Variants in ERBB4 observed in about 807,000 individuals in gnomAD.
ERBB4 encodes the protein erb-b2 receptor tyrosine kinase 4.
In ERBB4, 42 loss-of-function variants were observed where a neutral mutation model predicts 158.0. That is an observed-to-expected ratio of 0.27 (90% CI 0.21 to 0.34). The LOEUF is 0.34. ERBB4 is among the 10% of genes least tolerant of loss of function. ERBB4 has a pLI of 1.00. For missense variants in ERBB4, 1,333 were observed against 1,624.1 expected, an observed-to-expected ratio of 0.82 and a Z score of 3.08; for synonymous variants, 583 against 558.7, an observed-to-expected ratio of 1.04 and a Z score of -0.61.
intron 16 of ERBB4, among the ~76,000 whole-genome samples, chr2:211,631,283 G>T (rs939373229): frequency 1.3e-5 from 2 of 151,942 alleles, no homozygotes; most frequent in Admixed American, 1.3e-4. Flanking sequence ...GGAGTATAAG[G>T]GTACCAATAA....
intron 2 of ERBB4, among the ~76,000 whole-genome samples, chr2:212,088,123 G>A (rs562910373): frequency 6.6e-6 from 1 of 152,086 alleles, no homozygotes; most frequent in South Asian, 2.1e-4. Flanking sequence ...AAATCTGCTG[G>A]GAAAAGGCTA....
chr2:212,213,140 T>C (rs947113273), intron 1 of ERBB4, among the ~76,000 whole-genome samples: 1 of 151,778 alleles, frequency 6.6e-6, no homozygotes, highest in Admixed American at 6.6e-5. Flanking sequence ...AACCTACGAA[T>C]AGGAGAAAAT....
At chr2:211,803,722 A>G (rs1267544194) in intron 3 of ERBB4, among the ~76,000 whole-genome samples, 1 of 152,226 alleles carries the variant, frequency 6.6e-6, no homozygotes, top group Non-Finnish European at 1.5e-5. Flanking sequence ...TTGAGACAGC[A>G]GTTTACCACA....
At chr2:212,036,080 A>G (rs1428251819) in intron 2 of ERBB4, among the ~76,000 whole-genome samples, 4 of 152,186 alleles carry the variant, frequency 2.6e-5, no homozygotes, top group African/African-American at 7.2e-5. Context: ...AATAATTAAT[A>G]TGCTAAATCT....
In ERBB4 at chr2:212,538,542, C is replaced by A. The variant is rs1196830458; in HGVS notation, c.-12G>T. The stretch of plus-strand genomic sequence containing the variant: ...GTCGCCGGCTTCATTTTTTGGAAGT[C>A]TCAGATCCCGTGCTGACAATTACAT... On this transcript the variant is annotated 5_prime_UTR_variant, in exon 1 of 28. Coordinates refer to ENST00000342788, the MANE Select transcript of ERBB4 (RefSeq NM_005235.3). The A allele has an allele frequency of 6.2e-7, 1 of 1,612,914 alleles. No homozygotes were observed. Among genetic ancestry groups the A allele is most frequent in the African/African-American group, 1.3e-5 (1 of 74,924 alleles).
At chr2:211,435,880 T>TATC (rs982538272) in intron 20 of ERBB4, among the ~76,000 whole-genome samples, 54 of 152,312 alleles carry the variant, frequency 3.5e-4, no homozygotes, top group African/African-American at 1.3e-3. Flanking sequence ...TTTTTAAGCC[T>TATC]ATCTTCTCTC....
chr2:211,624,458 T>C (rs2069759487), intron 17 of ERBB4, among the ~76,000 whole-genome samples: 1 of 152,164 alleles, frequency 6.6e-6, no homozygotes, highest in African/African-American at 2.4e-5. Context: ...GTTAAAACTT[T>C]AGTGTATATC....
intron 1 of ERBB4, among the ~76,000 whole-genome samples, chr2:212,236,518 T>C (rs2083881354): frequency 6.6e-6 from 1 of 152,200 alleles, no homozygotes; most frequent in Admixed American, 6.5e-5. Context: ...TTTCGATTGT[T>C]TGGAATAATT....
At chr2:211,440,707 T>A (rs2125452197) in intron 20 of ERBB4, among the ~76,000 whole-genome samples, 1 of 152,330 alleles carries the variant, frequency 6.6e-6, no homozygotes, top group Non-Finnish European at 1.5e-5. Flanking sequence ...ACCTAAATAA[T>A]TTCAATAACT....
At chr2:212,111,866 G>C (rs2079419702) in intron 2 of ERBB4, among the ~76,000 whole-genome samples, 1 of 138,088 alleles carries the variant, frequency 7.2e-6, no homozygotes, top group South Asian at 2.4e-4. Flanking sequence ...ACCTTTTTTG[G>C]CACTATACAA....
chr2:212,285,017 AT>A (rs1337652886), intron 1 of ERBB4, among the ~76,000 whole-genome samples: 2 of 152,110 alleles, frequency 1.3e-5, no homozygotes, highest in African/African-American at 4.8e-5. Context: ...TATAACCTTA[AT>A]GTAATTTGAT....
At chr2:212,399,536 T>TTATTTATATATA (rs2091129986) in intron 1 of ERBB4, among the ~76,000 whole-genome samples, 3 of 20,794 alleles carry the variant, frequency 1.4e-4, no homozygotes, top group African/African-American at 5.8e-4. Flanking sequence ...GATATATATT[T>TTATTTATATATA]TATATATACA....
intron 20 of ERBB4, among the ~76,000 whole-genome samples, chr2:211,469,808 A>C (rs571235349): frequency 1.3e-5 from 2 of 152,272 alleles, no homozygotes; most frequent in South Asian, 4.1e-4. Flanking sequence ...TTGCATATCT[A>C]TTCCTTTCTT....
At chr2:212,173,944 G>T (rs1031107673) in intron 1 of ERBB4, among the ~76,000 whole-genome samples, 1 of 152,118 alleles carries the variant, frequency 6.6e-6, no homozygotes, top group Non-Finnish European at 1.5e-5. Context: ...GGAAACTTCC[G>T]AAGTAGTTCA....
Position 211,797,106 on chromosome 2 carries a change from A to G in ERBB4, c.422-8947T>C, listed in dbSNP as rs141830851. On this transcript the variant is annotated intron_variant, in intron 3 of 27. Transcript: ENST00000342788. ...TGTCTTCTTGCTATTAAAATAGAAC[A>G]CTCTTTTACATAAAGCTCACATATT... Among the ~76,000 whole-genome samples, 515 of 151,822 alleles carry G rather than the reference A, an allele frequency of 3.4e-3. 5 individuals carry two copies. Among genetic ancestry groups the G allele is most frequent in the African/African-American group, 0.012 (492 of 41,476 alleles).
chr2:211,802,683 G>A (rs906957348), intron 3 of ERBB4, among the ~76,000 whole-genome samples: 3 of 152,200 alleles, frequency 2.0e-5, no homozygotes, highest in African/African-American at 7.2e-5. Flanking sequence ...AGCTTCAAGA[G>A]TTATAATCTA....
At chr2:212,306,477 T>A (rs559453491) in intron 1 of ERBB4, among the ~76,000 whole-genome samples, 61 of 151,576 alleles carry the variant, frequency 4.0e-4, no homozygotes, top group African/African-American at 1.4e-3. Flanking sequence ...TATTTAATTA[T>A]ATGGCACTGG....
At chr2:212,038,543 T>C (rs1433568896) in intron 2 of ERBB4, among the ~76,000 whole-genome samples, 1 of 152,150 alleles carries the variant, frequency 6.6e-6, no homozygotes, top group Non-Finnish European at 1.5e-5. Context: ...CATTTTTTTC[T>C]TTTGTACTTT....
chr2:212,442,547 G>A (rs758219383), intron 1 of ERBB4, among the ~76,000 whole-genome samples: 1 of 152,090 alleles, frequency 6.6e-6, no homozygotes, highest in Non-Finnish European at 1.5e-5. Context: ...AGATCACTGT[G>A]GTCCTCCAGT....
Sources: gnomAD v4.1 joint callset for allele counts (sites outside exome capture counted in the v4.1 genomes callset) on GRCh38, gnomAD v4.1.1 for gene constraint, MANE v1.5 for transcripts, NCBI Gene and HGNC (gene_info 2026-07-23, HGNC 2026-07-21) for gene names.